The following EFR3B variants were observed in gnomAD, a reference collection of about 807,000 sequenced individuals.
The protein encoded by EFR3B is EFR3 homolog B.
Under a neutral mutation model 104.7 loss-of-function variants are expected in EFR3B, and 64 were observed. That is an observed-to-expected ratio of 0.61 (90% CI 0.50 to 0.75). The LOEUF (loss-of-function observed/expected upper bound fraction) is 0.75. Among genes scored for constraint, EFR3B ranks in the 30% least tolerant of loss-of-function variants. EFR3B has a pLI of 0.00. For missense variants in EFR3B, 750 were observed against 1,078.5 expected (o/e 0.70, Z 4.27); for synonymous variants, 385 against 417.9 (o/e 0.92, Z 0.96).
intron 1 of EFR3B, among the ~76,000 whole-genome samples, chr2:25,087,908 A>C (rs1669003054): frequency 1.3e-5 from 2 of 152,348 alleles, no homozygotes; most frequent in South Asian, 2.1e-4. Context: ...TGTTATCTTC[A>C]AGAAGTTTTA....
At chr2:25,065,507 A>G (rs965877109) in intron 1 of EFR3B, among the ~76,000 whole-genome samples, 1 of 151,988 alleles carries the variant, frequency 6.6e-6, no homozygotes, top group South Asian at 2.1e-4. Flanking sequence ...ATAATATTTT[A>G]CAATGCTCTT....
Position 25,130,852 on chromosome 2 carries a change from T to A in EFR3B, c.849+222T>A, listed in dbSNP as rs1670307822. 6.6e-6 allele frequency among the ~76,000 whole-genome samples: 1 copy of A among 152,164 alleles called. No homozygotes were observed. Among genetic ancestry groups the A allele is most frequent in the South Asian group, 2.1e-4 (1 of 4,828 alleles). ...ATAAAATACAATTAAAACAAATAATTTCTAGAAAAATTAAATAAAAAACTC... is the reference window on the plus strand; with the variant it reads ...ATAAAATACAATTAAAACAAATAATATCTAGAAAAATTAAATAAAAAACTC... On this transcript the variant is annotated intron_variant, in intron 8 of 22. Transcript: ENST00000403714. The surrounding 1 kb of genome is among the most constrained non-coding windows in gnomAD (Gnocchi z 4.6).
chr2:25,090,259 G>A (rs965045509), intron 1 of EFR3B, among the ~76,000 whole-genome samples: 1 of 152,200 alleles, frequency 6.6e-6, no homozygotes, highest in African/African-American at 2.4e-5. Context: ...GCCCCTCCCT[G>A]AAGTCCTCCT....
In EFR3B at chr2:25,151,057, TAA is replaced by T. The variant is rs200604743; in HGVS notation, c.2192-841_2192-840del. ...CAACATAGTGAGACCTCATCTCTATTAAAAAAAAAAAAAAAAACTCAACAGTA... is the reference window on the plus strand; with the variant it reads ...CAACATAGTGAGACCTCATCTCTATTAAAAAAAAAAAAAAACTCAACAGTA... On this transcript the variant is annotated intron_variant, in intron 20 of 22. Transcript: ENST00000403714. Among the ~76,000 whole-genome samples the T allele has an allele frequency of 0.024, 3,228 of 133,606 alleles. 283 individuals carry two copies. In the East Asian group the frequency reaches 0.31, roughly 13 times the overall value. 87.7% of individuals were successfully genotyped at this position (133,606 alleles called of 152,430 possible).
chr2:25,124,329 T>TGTGTGTGA (rs1491041452), intron 5 of EFR3B, among the ~76,000 whole-genome samples: 4 of 126,766 alleles, frequency 3.2e-5, no homozygotes, highest in Non-Finnish European at 6.5e-5. Context: ...TGTGTGTGTG[T>TGTGTGTGA]GTGATTCCTC....
intron 20 of EFR3B, among the ~76,000 whole-genome samples, chr2:25,150,498 A>G (rs1472276079): frequency 6.6e-6 from 1 of 152,192 alleles, no homozygotes; most frequent in Non-Finnish European, 1.5e-5. Context: ...TATCTGGATC[A>G]TTGGACAACA....
intron 1 of EFR3B, among the ~76,000 whole-genome samples, chr2:25,056,366 G>T (rs965103559): frequency 2.6e-5 from 4 of 151,322 alleles, no homozygotes; most frequent in Non-Finnish European, 5.9e-5. Flanking sequence ...GTCTTCTTTT[G>T]AAAGGAAGGT....
intron 1 of EFR3B, among the ~76,000 whole-genome samples, chr2:25,071,185 C>T (rs1040081312): frequency 6.6e-6 from 1 of 151,826 alleles, no homozygotes; most frequent in African/African-American, 2.4e-5. Context: ...TGGTCTTGAT[C>T]TCCTGACCTC....
At chr2:25,117,481 C>G (rs1669895397) in intron 4 of EFR3B, among the ~76,000 whole-genome samples, 1 of 148,848 alleles carries the variant, frequency 6.7e-6, no homozygotes, top group African/African-American at 2.5e-5. Flanking sequence ...GGTGCAATCT[C>G]GGCTCACTGC....
chr2:25,147,538 TAA>T (rs2149213001), intron 19 of EFR3B: 1 of 152,340 alleles, frequency 6.6e-6, no homozygotes, highest in South Asian at 2.1e-4. Flanking sequence ...TGAATTTTCA[TAA>T]AGTGTGTATG....
At chr2:25,070,144 TG>T (rs1388377373) in intron 1 of EFR3B, among the ~76,000 whole-genome samples, 2 of 152,236 alleles carry the variant, frequency 1.3e-5, no homozygotes, top group Non-Finnish European at 2.9e-5. Context: ...GCTTCTGCCT[TG>T]TTTTAGCTAG....
Position 25,130,732 on chromosome 2 carries a change from C to T in EFR3B, c.849+102C>T, listed in dbSNP as rs932728104. On this transcript the variant is annotated intron_variant, in intron 8 of 22. Coordinates refer to ENST00000403714, the MANE Select transcript of EFR3B (RefSeq NM_014971.2). The surrounding 1 kb of genome is among the most constrained non-coding windows in gnomAD (Gnocchi z 4.6). ...AGCCAGAAGTCCCCTGTGACTCCTCCGAAGCCCCCAGTTGCCGAAACCAGT... is the reference window on the plus strand; with the variant it reads ...AGCCAGAAGTCCCCTGTGACTCCTCTGAAGCCCCCAGTTGCCGAAACCAGT... 2.2e-5 allele frequency: 24 copies of T among 1,101,712 alleles called. No homozygotes were observed. The highest frequency in any genetic ancestry group is 4.0e-5 in the Admixed American group (2 of 49,438). 68.2% of individuals were successfully genotyped at this position (1,101,712 alleles called of 1,614,324 possible). A position where few individuals can be genotyped will look rare whatever the true frequency, so the allele number is the denominator to read the frequency against.
rs143234377 is a variant in EFR3B at position 25,077,108 on chromosome 2, A to T, written c.8-14217A>T. ...TCCTGCAGCCACATGGTACTGTTTG[A>T]TTTCCTTAGCACCAATAAAACAAAA... On this transcript the variant is annotated intron_variant, in intron 1 of 22. Transcript: ENST00000403714. Among the ~76,000 whole-genome samples, 700 of 152,310 alleles carry T rather than the reference A, an allele frequency of 4.6e-3. 10 individuals are homozygous for T. Among genetic ancestry groups the T allele is most frequent in the African/African-American group, 0.016 (677 of 41,566 alleles).
chr2:25,049,054 A>G (rs755467860), intron 1 of EFR3B, among the ~76,000 whole-genome samples: 34 of 152,226 alleles, frequency 2.2e-4, no homozygotes, highest in Non-Finnish European at 3.8e-4. Context: ...TGGTCAAGGT[A>G]TATAAACATT....
At chr2:25,061,453 A>G (rs917459296) in intron 1 of EFR3B, among the ~76,000 whole-genome samples, 14 of 151,388 alleles carry the variant, frequency 9.2e-5, no homozygotes, top group African/African-American at 2.4e-4. Flanking sequence ...CACACGGGCA[A>G]CGTAGATGGC....
At chr2:25,080,594 C>T (rs891120306) in intron 1 of EFR3B, 3 of 533,824 alleles carry the variant, frequency 5.6e-6, no homozygotes, top group Non-Finnish European at 9.9e-6. Flanking sequence ...ACTCCTGGCC[C>T]CTGAAGTTTT....
intron 1 of EFR3B, among the ~76,000 whole-genome samples, chr2:25,081,904 G>A (rs1395337709): frequency 6.6e-6 from 1 of 152,210 alleles, no homozygotes; most frequent in Non-Finnish European, 1.5e-5. Flanking sequence ...AAAGCATGAT[G>A]TAGTTAGTGT....
Position 25,130,402 on chromosome 2 carries a change from G to A in EFR3B, c.771-150G>A. On this transcript the variant is annotated intron_variant, in intron 7 of 22. Transcript: ENST00000403714. This position sits in a 1 kb window ranked among gnomAD's most constrained non-coding sequence, Gnocchi z 4.6. ...TGGCCTCTCTCCAGCACTGGACTGG[G>A]ACTACCCCAAGGCCCTTCAGGCTTC... 2.5e-6 allele frequency: 2 copies of A among 799,760 alleles called. No individual in the cohort carries two copies. The highest frequency in any genetic ancestry group is 4.2e-6 in the Non-Finnish European group (2 of 479,420). 49.5% of individuals were successfully genotyped at this position (799,760 alleles called of 1,614,324 possible).
rs938470437 is a variant in EFR3B at position 25,114,564 on chromosome 2, G to A, written c.364-7109G>A. ...GAGGGAATGGAATGGTCAACAGCCC[G>A]AGCCTCAAGTCTGCAACCTCCTAGG... On this transcript the variant is annotated intron_variant, in intron 4 of 22. Transcript: ENST00000403714. The surrounding 1 kb of genome is among the most constrained non-coding windows in gnomAD (Gnocchi z 4.0). Among the ~76,000 whole-genome samples, 7 of 152,256 alleles carry A rather than the reference G, an allele frequency of 4.6e-5. No homozygotes were observed. The East Asian group carries it at 7.7e-4, about 17-fold the overall frequency.
Sources: allele counts gnomAD v4.1 joint callset (sites outside exome capture counted in the v4.1 genomes callset), GRCh38; gene constraint gnomAD v4.1.1; non-coding constraint Gnocchi (gnomAD v3.1); transcripts MANE v1.5; gene names NCBI Gene and HGNC (gene_info 2026-07-23, HGNC 2026-07-21).